The following ROBO2 variants were observed in gnomAD, a reference collection of about 807,000 sequenced individuals.
The protein encoded by ROBO2 is roundabout guidance receptor 2.
In ROBO2, 53 loss-of-function variants were observed where a neutral mutation model predicts 160.8. That is an observed-to-expected ratio of 0.33 (90% confidence interval 0.26 to 0.41). The LOEUF (loss-of-function observed/expected upper bound fraction) is 0.41. Ranked by LOEUF, ROBO2 falls within the 10% of genes least tolerant of loss-of-function variation. The pLI is 1.00. For synonymous variants in ROBO2, 664 were observed against 611.7 expected (o/e 1.09, Z -1.26); for missense variants, 1,577 against 1,722.4 (o/e 0.92, Z 1.49).
intron 2 of ROBO2, among the ~76,000 whole-genome samples, chr3:75,965,921 G>A (rs1190054589): frequency 6.6e-6 from 1 of 151,626 alleles, no homozygotes; most frequent in Non-Finnish European, 1.5e-5. Flanking sequence ...ATTTTGAAAA[G>A]GACTTTAATG....
chr3:77,040,007 G>T (rs1367446360), exon 1 of ROBO2: 9 of 705,900 alleles, frequency 1.3e-5, no homozygotes, highest in Admixed American at 6.3e-5. Context: ...TATCCTCAGA[G>T]GCGGCACCGC....
chr3:76,505,905 GAATA>G (rs1459535193), intron 2 of ROBO2, among the ~76,000 whole-genome samples: 1 of 152,126 alleles, frequency 6.6e-6, no homozygotes, highest in East Asian at 1.9e-4. Flanking sequence ...GAAAGTAAAT[GAATA>G]TTTATATTTT....
chr3:77,259,615 T>G (rs904472542), intron 2 of ROBO2, among the ~76,000 whole-genome samples: 2 of 152,182 alleles, frequency 1.3e-5, no homozygotes, highest in Non-Finnish European at 2.9e-5. Context: ...AAAGGATGAT[T>G]GCTTACTAGC....
intron 2 of ROBO2, among the ~76,000 whole-genome samples, chr3:77,001,725 T>C (rs1040132197): frequency 2.6e-5 from 4 of 152,154 alleles, no homozygotes; most frequent in Non-Finnish European, 2.9e-5. Flanking sequence ...CAAACAGTAA[T>C]GACATCATGA....
chr3:76,271,326 C>A (rs1264753516), intron 2 of ROBO2, among the ~76,000 whole-genome samples: 1 of 151,814 alleles, frequency 6.6e-6, no homozygotes, highest in South Asian at 2.1e-4. Context: ...TTAATTTTAA[C>A]AACTGTTCCT....
Position 76,452,357 on chromosome 3 carries a change from A to G in ROBO2, c.109+514755A>G, listed in dbSNP as rs2077520521. ...CCCACACAACAGTCCCCAGAGTGTG[A>G]TGTTCCCCTTCCTGTGTCCATGTGT... On this transcript the variant is annotated intron_variant, in intron 2 of 26. Coordinates refer to the ROBO2 transcript ENST00000487694. 2.0e-5 allele frequency among the ~76,000 whole-genome samples: 3 copies of G among 151,794 alleles called. No individual in the cohort carries two copies. In the South Asian group the frequency reaches 6.2e-4, roughly 32 times the overall value.
chr3:75,988,844 T>C (rs2065487116), intron 2 of ROBO2, among the ~76,000 whole-genome samples: 1 of 151,920 alleles, frequency 6.6e-6, no homozygotes. Flanking sequence ...AGAATATATT[T>C]TGTATGATGT....
At chr3:76,305,091 T>C (rs767372682) in intron 2 of ROBO2, among the ~76,000 whole-genome samples, 3 of 152,034 alleles carry the variant, frequency 2.0e-5, no homozygotes, top group Non-Finnish European at 4.4e-5. Flanking sequence ...TGTGGTCATC[T>C]TGGGAGCTTC....
chr3:76,695,855 A>G (rs1287964856), intron 2 of ROBO2, among the ~76,000 whole-genome samples: 2 of 152,176 alleles, frequency 1.3e-5, no homozygotes, highest in Non-Finnish European at 2.9e-5. Flanking sequence ...CCTAATCACT[A>G]TAATACACTG....
intron 2 of ROBO2, among the ~76,000 whole-genome samples, chr3:76,320,915 C>T (rs1318814196): frequency 1.3e-5 from 2 of 152,120 alleles, no homozygotes; most frequent in Non-Finnish European, 2.9e-5. Flanking sequence ...TATGGAACAA[C>T]GTAGATATAC....
At chr3:77,040,614 C>G (rs923650096) in exon 1 of ROBO2, 8 of 1,473,250 alleles carry the variant, frequency 5.4e-6, no homozygotes, top group Non-Finnish European at 7.1e-6. Flanking sequence ...GTGCCCCGTT[C>G]GAGACCTCTC....
intron 2 of ROBO2, among the ~76,000 whole-genome samples, chr3:77,143,534 C>T (rs1421286579): frequency 6.6e-6 from 1 of 151,986 alleles, no homozygotes; most frequent in Non-Finnish European, 1.5e-5. Context: ...TACCATACAA[C>T]TCATCCATTT....
intron 2 of ROBO2, among the ~76,000 whole-genome samples, chr3:76,826,204 C>G (rs1006608200): frequency 6.6e-6 from 1 of 152,050 alleles, no homozygotes; most frequent in Non-Finnish European, 1.5e-5. Flanking sequence ...GAGCGTAAGC[C>G]TGCCAGCATT....
exon 2 of ROBO2, chr3:77,098,164 T>C (rs1232875262): frequency 6.2e-7 from 1 of 1,613,652 alleles, no homozygotes; most frequent in Non-Finnish European, 8.5e-7. Flanking sequence ...GGGGAGCGAG[T>C]GGAGACTGAC....
intron 2 of ROBO2, among the ~76,000 whole-genome samples, chr3:76,028,470 TACC>T (rs2066815185): frequency 6.6e-6 from 1 of 151,944 alleles, no homozygotes; most frequent in South Asian, 2.1e-4. Flanking sequence ...ATGAAAAAAT[TACC>T]ACAATTGACA....
At chr3:76,288,680 CGTGTTT>C (rs750226072) in intron 2 of ROBO2, among the ~76,000 whole-genome samples, 14 of 152,002 alleles carry the variant, frequency 9.2e-5, no homozygotes, top group Non-Finnish European at 1.8e-4. Flanking sequence ...CTATTGTTCC[CGTGTTT>C]GTGTCCATGT....
chr3:77,217,983 C>A (rs1182323455), intron 2 of ROBO2, among the ~76,000 whole-genome samples: 1 of 152,194 alleles, frequency 6.6e-6, no homozygotes, highest in African/African-American at 2.4e-5. Flanking sequence ...AGTTTGGATA[C>A]ATTGTCAGCT....
At chr3:76,230,596 C>T (rs1704563300) in intron 2 of ROBO2, among the ~76,000 whole-genome samples, 1 of 152,068 alleles carries the variant, frequency 6.6e-6, no homozygotes, top group African/African-American at 2.4e-5. Flanking sequence ...CATTTTTCCT[C>T]ATCTTCTTTC....
chr3:77,104,454 T>TA lies in ROBO2; in HGVS notation c.388+6115dup, dbSNP rs566139501. 2.6e-5 allele frequency among the ~76,000 whole-genome samples: 4 copies of TA among 152,304 alleles called. No individual in the cohort carries two copies. In the East Asian group the frequency reaches 7.7e-4, roughly 29 times the overall value. On this transcript the variant is annotated intron_variant, in intron 2 of 25. Coordinates refer to ENST00000461745, the Ensembl canonical transcript of ROBO2. ...TCATGGTATCAACATAACCACTTTT[T>TA]ATTTATCCATTCATTGTATGATAGA...
Sources: allele counts gnomAD v4.1 joint callset (sites outside exome capture counted in the v4.1 genomes callset), GRCh38; gene constraint gnomAD v4.1.1; transcripts MANE v1.5; gene names NCBI Gene and HGNC (gene_info 2026-07-23, HGNC 2026-07-21).